The following UMAD1 variants were observed in gnomAD, a reference collection of about 807,000 sequenced individuals.
The protein encoded by UMAD1 is UBAP1-MVB12-associated (UMA)-domain containing protein 1.
A neutral mutation model predicts 6.1 loss-of-function variants in UMAD1; 8 were observed. The observed-to-expected ratio is 1.30, with a 90% CI of 0.76 to 2.35. UMAD1 has a LOEUF of 2.35. Ranked by LOEUF, UMAD1 falls within the 30% of genes most tolerant of loss-of-function variation. The pLI, the probability that UMAD1 is intolerant of heterozygous loss-of-function variation, is 0.00. For synonymous variants in UMAD1, 56 were observed against 31.4 expected (o/e 1.78, Z -2.61); for missense variants, 130 against 78.4 (o/e 1.66, Z -2.49).
chr7:7,704,401 T>C (rs1334085477), intron 2 of UMAD1, among the ~76,000 whole-genome samples: 1 of 151,994 alleles, frequency 6.6e-6, no homozygotes, highest in Non-Finnish European at 1.5e-5. Flanking sequence ...GGGTCCTCAG[T>C]AATTTTTGAG....
intron 1 of UMAD1, among the ~76,000 whole-genome samples, chr7:7,643,070 C>T (rs1324265867): frequency 1.3e-5 from 2 of 152,064 alleles, no homozygotes; most frequent in Non-Finnish European, 2.9e-5. Flanking sequence ...CTCCCCCAAC[C>T]CACTAGAAAT....
At chr7:7,695,127 C>G (rs1158254732) in intron 2 of UMAD1, among the ~76,000 whole-genome samples, 1 of 152,154 alleles carries the variant, frequency 6.6e-6, no homozygotes, top group Non-Finnish European at 1.5e-5. Context: ...TTTGCTTTCT[C>G]TGATGATCAG....
chr7:7,814,008 G>A (rs995976871), intron 3 of UMAD1, among the ~76,000 whole-genome samples: 2 of 150,312 alleles, frequency 1.3e-5, no homozygotes, highest in Non-Finnish European at 3.0e-5. Context: ...TTTTTGAGAC[G>A]GAGTCTCGCT....
intron 3 of UMAD1, among the ~76,000 whole-genome samples, chr7:7,838,332 A>C (rs1783609746): frequency 2.0e-5 from 3 of 152,184 alleles, no homozygotes; most frequent in Non-Finnish European, 4.4e-5. Flanking sequence ...TAGTGAGGGA[A>C]TACATGATTT....
At chr7:7,680,397 T>C (rs1779880387) in intron 2 of UMAD1, among the ~76,000 whole-genome samples, 2 of 152,180 alleles carry the variant, frequency 1.3e-5, no homozygotes, top group Admixed American at 1.3e-4. Context: ...CATTCGTCCA[T>C]GTGTCTGTTT....
intron 2 of UMAD1, among the ~76,000 whole-genome samples, chr7:7,789,619 T>TCCCCCCCC (rs200939941): frequency 2.1e-5 from 3 of 146,054 alleles, no homozygotes; most frequent in Admixed American, 6.7e-5. Context: ...ATACCCCTTC[T>TCCCCCCCC]CCCCTCCCCA....
intron 2 of UMAD1, among the ~76,000 whole-genome samples, chr7:7,791,049 C>G (rs1782558568): frequency 6.6e-6 from 1 of 152,126 alleles, no homozygotes; most frequent in Admixed American, 6.5e-5. Flanking sequence ...ACCACCACAC[C>G]TCTAATTTTT....
chr7:7,673,549 A>G (rs1232822416), intron 2 of UMAD1, 96 bp downstream of exon 2: 1 of 642,592 alleles, frequency 1.6e-6, no homozygotes, highest in African/African-American at 1.8e-5. Flanking sequence ...TATTTCTTAT[A>G]ATTTCAGAAT....
rs34776629 is a variant in UMAD1, at chr7:7,877,946, G to A, written c.*408G>A. 34,236 of 163,712 alleles carry A rather than the reference G, an allele frequency of 0.21. 3,895 individuals are homozygous for A. The highest frequency in any genetic ancestry group is 0.32 in the South Asian group (1,818 of 5,716). 10.1% of individuals were successfully genotyped at this position (163,712 alleles called of 1,614,324 possible). A position where few individuals can be genotyped will look rare whatever the true frequency, so the allele number is the denominator to read the frequency against. ...TCTCTGGTTTGTAGGAAGTTGAATT[G>A]GTGTTATTCCTGCATTTTTTTCTTC... On this transcript the variant is annotated 3_prime_UTR_variant, in exon 4 of 4. Coordinates refer to ENST00000682710, the MANE Select transcript of UMAD1 (RefSeq NM_001302348.2).
intron 3 of UMAD1, among the ~76,000 whole-genome samples, chr7:7,819,812 G>T (rs1427321176): frequency 6.6e-6 from 1 of 152,052 alleles, no homozygotes; most frequent in East Asian, 1.9e-4. Context: ...TCTCATCCGG[G>T]TACACTGTTG....
At chr7:7,777,226 G>C (rs891576377) in intron 2 of UMAD1, among the ~76,000 whole-genome samples, 1 of 151,906 alleles carries the variant, frequency 6.6e-6, no homozygotes, top group Non-Finnish European at 1.5e-5. Context: ...AATACTACAG[G>C]CTGGGCGTGG....
At chr7:7,764,062 A>C (rs1583808135) in intron 2 of UMAD1, among the ~76,000 whole-genome samples, 1 of 152,224 alleles carries the variant, frequency 6.6e-6, no homozygotes, top group African/African-American at 2.4e-5. Flanking sequence ...AGAGCAAATA[A>C]TCTGAAATAG....
chr7:7,806,849 C>G (rs962424102), intron 3 of UMAD1, among the ~76,000 whole-genome samples: 1 of 152,100 alleles, frequency 6.6e-6, no homozygotes, highest in Non-Finnish European at 1.5e-5. Context: ...TTCTCTATAA[C>G]GAGAACATAA....
intron 3 of UMAD1, among the ~76,000 whole-genome samples, chr7:7,870,922 G>A (rs998251283): frequency 2.6e-5 from 4 of 152,190 alleles, no homozygotes; most frequent in Admixed American, 1.3e-4. Context: ...TTTGCCCATC[G>A]TATTGTTAAA....
chr7:7,711,309 T>A lies in UMAD1; in HGVS notation c.82+37856T>A, dbSNP rs115538757. 6.8e-3 allele frequency among the ~76,000 whole-genome samples: 1,035 copies of A among 152,344 alleles called. 15 individuals carry two copies. The highest frequency in any genetic ancestry group is 0.024 in the African/African-American group (982 of 41,578). ...CATGATGCTGTTACAAACATCCTTG[T>A]ACATGTCTCCTGGTGCACATATGTG... On this transcript the variant is annotated intron_variant, in intron 2 of 3. Transcript: ENST00000682710.
intron 3 of UMAD1, among the ~76,000 whole-genome samples, chr7:7,869,447 T>C (rs1285154837): frequency 6.6e-6 from 1 of 152,240 alleles, no homozygotes; most frequent in Non-Finnish European, 1.5e-5. Context: ...TACAGCTACC[T>C]TCTTTGCATG....
At chr7:7,792,647 G>A (rs1782589752) in intron 2 of UMAD1, among the ~76,000 whole-genome samples, 1 of 152,198 alleles carries the variant, frequency 6.6e-6, no homozygotes, top group South Asian at 2.1e-4. Flanking sequence ...TGCTGCCAGA[G>A]CATTTAATAA....
At chr7:7,849,468 A>G (rs1234069908) in intron 3 of UMAD1, among the ~76,000 whole-genome samples, 1 of 152,132 alleles carries the variant, frequency 6.6e-6, no homozygotes, top group Non-Finnish European at 1.5e-5. Context: ...AAAGCTAAGG[A>G]GTGTGGCCAA....
At chr7:7,700,816 A>G (rs576862582) in intron 2 of UMAD1, among the ~76,000 whole-genome samples, 61 of 152,254 alleles carry the variant, frequency 4.0e-4, no homozygotes, top group Non-Finnish European at 6.8e-4. Flanking sequence ...TGAGCCCAGG[A>G]AGTGGAGGTT....
Sources: allele counts gnomAD v4.1 joint callset (sites outside exome capture counted in the v4.1 genomes callset), GRCh38; gene constraint gnomAD v4.1.1; transcripts MANE v1.5; gene names NCBI Gene and HGNC (gene_info 2026-07-23, HGNC 2026-07-21).